The following DNAH14 variants were observed in gnomAD, a reference collection of about 807,000 sequenced individuals.
DNAH14 encodes dynein axonemal heavy chain 14, also known as axonemal beta dynein heavy chain 14.
In DNAH14, 478 loss-of-function variants were observed where a neutral mutation model predicts 520.9. The ratio of observed to expected loss-of-function variants is 0.92; its 90% CI spans 0.85 to 0.99. The LOEUF is 0.99. Ranked by LOEUF, DNAH14 falls within the 50% of genes least tolerant of loss-of-function variation. The pLI, the probability that DNAH14 is intolerant of heterozygous loss-of-function variation, is 0.00. For synonymous variants in DNAH14, 1,581 were observed against 1,757.2 expected, an observed-to-expected ratio of 0.90 and a Z score of 2.51; for missense variants, 4,831 against 5,234.5, an observed-to-expected ratio of 0.92 and a Z score of 2.38.
chr1:225,148,552 C>T (rs2080176521), intron 31 of DNAH14, among the ~76,000 whole-genome samples: 1 of 151,888 alleles, frequency 6.6e-6, no homozygotes, highest in South Asian at 2.1e-4. Context: ...CAGGCATGTG[C>T]CAGCATGCCC....
intron 41 of DNAH14, among the ~76,000 whole-genome samples, chr1:225,214,274 G>T (rs953311736): frequency 2.0e-5 from 3 of 152,188 alleles, no homozygotes; most frequent in African/African-American, 7.2e-5. Flanking sequence ...GATCATAGTG[G>T]ATAAGCTTTT....
chr1:225,288,884 C>T (rs902761069), intron 54 of DNAH14, among the ~76,000 whole-genome samples: 2 of 152,104 alleles, frequency 1.3e-5, no homozygotes, highest in African/African-American at 4.8e-5. Flanking sequence ...AGTACAACTA[C>T]TTTGGAAAAT....
chr1:225,071,307 A>G (rs2071516263), intron 17 of DNAH14, among the ~76,000 whole-genome samples: 1 of 152,142 alleles, frequency 6.6e-6, no homozygotes, highest in Admixed American at 6.5e-5. Flanking sequence ...GTGTTTTTAC[A>G]GTAGTTGGTA....
At chr1:225,259,412 T>G (rs2092854385) in intron 46 of DNAH14, among the ~76,000 whole-genome samples, 159 bp downstream of exon 46, 1 of 152,194 alleles carries the variant, frequency 6.6e-6, no homozygotes, top group South Asian at 2.1e-4. Flanking sequence ...TCCTGATTTC[T>G]CTTTTATTTT....
At chr1:225,385,729 A>G (rs1466965284) in intron 81 of DNAH14, among the ~76,000 whole-genome samples, 1 of 152,258 alleles carries the variant, frequency 6.6e-6, no homozygotes, top group Non-Finnish European at 1.5e-5. Context: ...AACATAAAAG[A>G]GGACACAAAC....
chr1:225,152,627 A>C (rs1553480279), intron 32 of DNAH14, 70 bp from the exon 33 acceptor site: 1 of 1,343,132 alleles, frequency 7.4e-7, no homozygotes, highest in Non-Finnish European at 1.0e-6. Context: ...TTTGGGGAAA[A>C]GTATGTGATT....
At chr1:225,331,005 A>G (rs1340660456) in intron 64 of DNAH14, among the ~76,000 whole-genome samples, 1 of 152,180 alleles carries the variant, frequency 6.6e-6, no homozygotes, top group Non-Finnish European at 1.5e-5. Context: ...TTCCACTAAC[A>G]CTGTAAGGAA....
intron 17 of DNAH14, among the ~76,000 whole-genome samples, chr1:225,078,778 CT>C: frequency 7.2e-5 from 2 of 27,840 alleles, no homozygotes; most frequent in South Asian, 2.3e-3. Flanking sequence ...ATCTCTCTCT[CT>C]CTCTCTCTCT....
chr1:224,938,185 AAG>A (rs2059163976), intron 1 of DNAH14, among the ~76,000 whole-genome samples: 1 of 152,146 alleles, frequency 6.6e-6, no homozygotes, highest in Admixed American at 6.5e-5. Context: ...CCAAAGCAAA[AAG>A]AGATTATTGG....
rs1401459347 is a variant in DNAH14 at position 225,290,643 on chromosome 1, GTGTGTATATATATATA to G, written c.8469+563_8469+578del. Reference sequence around the variant, plus strand: ...TGTGTATAGATATATGTGTGTGTGTGTGTGTATATATATATATATATATATATATATATATATATAT... The same window carrying G: ...TGTGTATAGATATATGTGTGTGTGTGTATATATATATATATATATATATAT... On this transcript the variant is annotated intron_variant, in intron 55 of 85. Coordinates refer to ENST00000682510, the MANE Select transcript of DNAH14 (RefSeq NM_001367479.1). 2.7e-3 allele frequency among the ~76,000 whole-genome samples: 136 copies of G among 51,140 alleles called. 3 individuals are homozygous for G. The Middle Eastern group carries it at 0.028, about 10-fold the overall frequency. The allele number at this position is 51,140 out of a possible 152,430, so 33.5% of individuals were successfully genotyped here.
At chr1:225,002,064 C>G (rs1272187344) in intron 8 of DNAH14, among the ~76,000 whole-genome samples, 2 of 152,060 alleles carry the variant, frequency 1.3e-5, no homozygotes, top group Non-Finnish European at 2.9e-5. Context: ...ATTATATTTT[C>G]TGTATATTAT....
chr1:225,079,299 A>C lies in DNAH14; in HGVS notation c.2517A>C (p.Ser839=). ...EHFIFLNAIS[S]KISKLEKEFL... ...TTATTTTTTTGAATGCAATTTCCTCAAAAATATCTAAATTAGAAAAAGAGT... is the reference window on the plus strand; with the variant it reads ...TTATTTTTTTGAATGCAATTTCCTCCAAAATATCTAAATTAGAAAAAGAGT... The change falls in exon 18 of 86, where the codon TCA becomes TCC. Residue 839 remains serine, a synonymous_variant. Transcript: ENST00000682510. 1 of 1,549,736 alleles carries C rather than the reference A, an allele frequency of 6.5e-7. No homozygotes were observed. Among genetic ancestry groups the C allele is most frequent in the Non-Finnish European group, 8.7e-7 (1 of 1,146,536 alleles).
chr1:225,064,169 A>G (rs1261295721), intron 17 of DNAH14, among the ~76,000 whole-genome samples: 1 of 152,086 alleles, frequency 6.6e-6, no homozygotes, highest in Non-Finnish European at 1.5e-5. Flanking sequence ...GACAGATACA[A>G]CCTGTGCTAA....
At chr1:225,145,963 T>G (rs941106290) in intron 30 of DNAH14, among the ~76,000 whole-genome samples, 1 of 152,242 alleles carries the variant, frequency 6.6e-6, no homozygotes, top group African/African-American at 2.4e-5. Flanking sequence ...TGTTGTCATT[T>G]TATTTGTGTT....
Position 225,303,282 on chromosome 1 carries a change from G to A in DNAH14, c.8758G>A (p.Glu2920Lys), listed in dbSNP as rs763184344. Residue 2920 changes from glutamate to lysine, a missense_variant, in exon 57 of 86, where the codon GAA becomes AAA. Transcript: ENST00000682510. ...GATCGATTGGTATGAGAGGTGGCCA[G>A]AAGAAGCTCTCCTTATTGTAGCTAA... ...CTIDWYERWP[E>K]EALLIVANSF... is the part of the protein sequence containing the mutation. 8 of 1,551,398 alleles carry A rather than the reference G, an allele frequency of 5.2e-6. No individual in the cohort carries two copies. The African/African-American group carries it at 1.1e-4, about 21-fold the overall frequency.
intron 83 of DNAH14, 92 bp downstream of exon 83, chr1:225,389,965 G>A: frequency 8.4e-7 from 1 of 1,191,344 alleles, no homozygotes; most frequent in South Asian, 1.5e-5. Flanking sequence ...CTCCCCTTTA[G>A]GATGACAACA....
chr1:225,271,515 T>C (rs2093314441), intron 50 of DNAH14, among the ~76,000 whole-genome samples: 1 of 152,210 alleles, frequency 6.6e-6, no homozygotes, highest in Admixed American at 6.5e-5. Flanking sequence ...TTTCGAAGAA[T>C]GTATACCTGT....
chr1:225,377,317 C>T lies in DNAH14; in HGVS notation c.12597C>T (p.Pro4199=), dbSNP rs1040368224. 34 of 1,550,310 alleles carry T rather than the reference C, an allele frequency of 2.2e-5. No homozygotes were observed. The highest frequency in any genetic ancestry group is 2.9e-5 in the Non-Finnish European group (33 of 1,146,366). Residue 4199 remains proline, a synonymous_variant, in exon 79 of 86, where the codon CCC becomes CCT. Transcript: ENST00000682510. ...IIQSLPDDDL[P]EVLGIHPEAI... ...AGTCCTTACCTGATGATGACCTTCC[C>T]GAGGTCTTAGGAATACACCCAGAGG...
intron 23 of DNAH14, among the ~76,000 whole-genome samples, chr1:225,108,934 G>T (rs1470409718): frequency 6.6e-6 from 1 of 152,130 alleles, no homozygotes; most frequent in Non-Finnish European, 1.5e-5. Context: ...TCTGCATATA[G>T]ATATCCAATT....
Sources: allele counts gnomAD v4.1 joint callset (sites outside exome capture counted in the v4.1 genomes callset), GRCh38; gene constraint gnomAD v4.1.1; transcripts MANE v1.5; gene names NCBI Gene and HGNC (gene_info 2026-07-23, HGNC 2026-07-21).